The following DRD3 variants were observed in gnomAD, a reference collection of about 807,000 sequenced individuals.
DRD3 encodes D(3) dopamine receptor.
In DRD3, 19 loss-of-function variants were observed where a neutral mutation model predicts 36.3. The observed-to-expected ratio is 0.52, with a 90% confidence interval of 0.36 to 0.77. The LOEUF is 0.77. Among genes scored for constraint, DRD3 ranks in the 30% least tolerant of loss-of-function variants. The probability of loss-of-function intolerance (pLI) is 0.00; values close to 1 mark genes in which losing one functional copy is unlikely to be tolerated. For synonymous variants in DRD3, 195 were observed against 203.7 expected, an observed-to-expected ratio of 0.96 and a Z score of 0.36; for missense variants, 465 against 505.3, an observed-to-expected ratio of 0.92 and a Z score of 0.77.
intron 6 of DRD3, among the ~76,000 whole-genome samples, chr3:114,130,543 G>A (rs955851155): frequency 6.6e-6 from 1 of 151,124 alleles, no homozygotes; most frequent in African/African-American, 2.4e-5. Context: ...TCCTGCCTCA[G>A]CCTCCTGAGT....
intron 6 of DRD3, among the ~76,000 whole-genome samples, chr3:114,129,253 G>C (rs764329888): frequency 6.6e-6 from 1 of 152,110 alleles, no homozygotes; most frequent in African/African-American, 2.4e-5. Flanking sequence ...TGGGGCAGGA[G>C]AGTTGCTTGA....
chr3:114,131,480 A>T (rs2077430524), intron 5 of DRD3, 80 bp from the exon 6 acceptor site: 6 of 1,515,362 alleles, frequency 4.0e-6, no homozygotes, highest in Non-Finnish European at 5.3e-6. Context: ...GGGCCAGAGA[A>T]TTCAAAGAAG....
In DRD3 at chr3:114,196,152, C is replaced by A. The variant is rs139213342; in HGVS notation, c.-156+3121G>T. Among the ~76,000 whole-genome samples the A allele has an allele frequency of 2.6e-5, 4 of 152,276 alleles. No individual in the cohort carries two copies. In the East Asian group the frequency reaches 7.7e-4, roughly 29 times the overall value. ...TCACTTGGCCTAGTAATTTCCTATT[C>A]ATGTTGTTTGTATCAGTAGTCACTT... On this transcript the variant is annotated intron_variant, in intron 1 of 7. Coordinates refer to the DRD3 transcript ENST00000460779.
upstream of DRD3, among the ~76,000 whole-genome samples, chr3:114,180,926 G>A (rs1447716117): frequency 6.6e-6 from 1 of 152,116 alleles, no homozygotes; most frequent in African/African-American, 2.4e-5. Context: ...GGCCTTCTAA[G>A]GAGTTAAGAA....
At chr3:114,147,266 C>T in intron 4 of DRD3, 149 bp downstream of exon 4, 1 of 1,035,002 alleles carries the variant, frequency 9.7e-7, no homozygotes. Flanking sequence ...CCCACAAAGG[C>T]CAAAGCTTTG....
chr3:114,182,484 T>A (rs1237253612), upstream of DRD3, among the ~76,000 whole-genome samples: 2 of 152,080 alleles, frequency 1.3e-5, no homozygotes, highest in Non-Finnish European at 2.9e-5. Flanking sequence ...TGATAGTGGT[T>A]TTTTATATCT....
At chr3:114,177,920 T>C (rs530490892) in intron 1 of DRD3, among the ~76,000 whole-genome samples, 1 of 152,318 alleles carries the variant, frequency 6.6e-6, no homozygotes, top group East Asian at 1.9e-4. Context: ...TAAAGTGAAA[T>C]AGTCATGCAC....
chr3:114,133,076 T>C (rs1266543921), intron 5 of DRD3, among the ~76,000 whole-genome samples: 1 of 151,768 alleles, frequency 6.6e-6, no homozygotes, highest in Non-Finnish European at 1.5e-5. Context: ...CTGCAACCTC[T>C]GCCTCCCGGG....
At chr3:114,149,858 A>C (rs913200863) in intron 3 of DRD3, among the ~76,000 whole-genome samples, 2 of 152,174 alleles carry the variant, frequency 1.3e-5, no homozygotes, top group Admixed American at 6.5e-5. Context: ...GAATACTCCT[A>C]ACAACCTGAG....
At chr3:114,165,346 G>T (rs1186599587) in intron 2 of DRD3, among the ~76,000 whole-genome samples, 6 of 151,950 alleles carry the variant, frequency 3.9e-5, no homozygotes, top group African/African-American at 1.5e-4. Context: ...CAGGAGAATC[G>T]CTTGAACCCG....
chr3:114,180,879 G>A (rs933340047), upstream of DRD3, among the ~76,000 whole-genome samples: 8 of 152,172 alleles, frequency 5.3e-5, no homozygotes, highest in Non-Finnish European at 8.8e-5. Context: ...AAAGCAGGGA[G>A]TAATGTCAGG....
intron 2 of DRD3, among the ~76,000 whole-genome samples, chr3:114,161,503 A>C (rs112770501): frequency 0.018 from 2,745 of 152,180 alleles, 42 homozygotes; most frequent in South Asian, 0.044. Context: ...ATCTCATTTT[A>C]TTCCTGTGCT....
At chr3:114,144,939 T>C (rs2077558010) in intron 4 of DRD3, among the ~76,000 whole-genome samples, 1 of 152,196 alleles carries the variant, frequency 6.6e-6, no homozygotes, top group African/African-American at 2.4e-5. Flanking sequence ...GGAACAATAA[T>C]GATCTCACTG....
At chr3:114,180,336 G>A (rs1277245642), upstream of DRD3, among the ~76,000 whole-genome samples, 1 of 152,100 alleles carries the variant, frequency 6.6e-6, no homozygotes, top group Non-Finnish European at 1.5e-5. Flanking sequence ...AAGTGTTGAA[G>A]CCCTAACCTT....
chr3:114,148,879 A>AT (rs2077592540), intron 3 of DRD3, among the ~76,000 whole-genome samples: 1 of 151,982 alleles, frequency 6.6e-6, no homozygotes, highest in Admixed American at 6.6e-5. Context: ...TGCCTGGCTA[A>AT]TTTTTTGTAT....
At chr3:114,155,207 C>T (rs1207354206) in intron 3 of DRD3, among the ~76,000 whole-genome samples, 2 of 152,084 alleles carry the variant, frequency 1.3e-5, no homozygotes, top group African/African-American at 4.8e-5. Context: ...ATGAATTGAC[C>T]AGCTATTTGT....
At chr3:114,174,657 T>C (rs2107889445) in intron 1 of DRD3, among the ~76,000 whole-genome samples, 1 of 151,980 alleles carries the variant, frequency 6.6e-6, no homozygotes, top group South Asian at 2.1e-4. Context: ...TCTGATGAGT[T>C]GTGGATGTGG....
intron 3 of DRD3, among the ~76,000 whole-genome samples, chr3:114,154,647 C>T (rs1194150735): frequency 6.6e-6 from 1 of 152,190 alleles, no homozygotes; most frequent in Non-Finnish European, 1.5e-5. Flanking sequence ...TCCAAGGTGC[C>T]TGTGACTCAT....
chr3:114,147,654 T>A, intron 3 of DRD3, 97 bp from the exon 4 acceptor site: 2 of 1,401,386 alleles, frequency 1.4e-6, no homozygotes, highest in Non-Finnish European at 2.0e-6. Flanking sequence ...AGACAGGGTC[T>A]CACTCTGTCA....
Sources: gnomAD v4.1 joint callset for allele counts (sites outside exome capture counted in the v4.1 genomes callset) on GRCh38, gnomAD v4.1.1 for gene constraint, MANE v1.5 for transcripts, NCBI Gene and HGNC (gene_info 2026-07-23, HGNC 2026-07-21) for gene names.